Variants in SPAST observed in about 807,000 individuals in gnomAD.
SPAST encodes the protein spastic paraplegia 4 (autosomal dominant; spastin).
In SPAST, 30 loss-of-function variants were observed where a neutral mutation model predicts 76.6. The ratio of observed to expected loss-of-function variants is 0.39; its 90% CI spans 0.29 to 0.53. The LOEUF is 0.53. Ranked by LOEUF, SPAST falls within the 20% of genes least tolerant of loss-of-function variation. The pLI, the probability that SPAST is intolerant of heterozygous loss-of-function variation, is 0.68. For synonymous variants in SPAST, 305 were observed against 281.0 expected (o/e 1.09, Z -0.86); for missense variants, 717 against 770.5 (o/e 0.93, Z 0.82).
At position 32,131,815 on chromosome 2, in the gene SPAST, A is replaced by G. The variant is rs531594912; in HGVS notation, c.1245+3336A>G. 2.6e-5 allele frequency among the ~76,000 whole-genome samples: 4 copies of G among 151,064 alleles called. No homozygotes were observed. In the South Asian group the frequency reaches 8.4e-4, roughly 32 times the overall value. ...GTAGCTGGGACTACAGGCACCCGCC[A>G]CGACACTTGGCTAATTTTTGTATTT... On this transcript the variant is annotated intron_variant, in intron 9 of 16. Transcript: ENST00000315285.
In SPAST at chr2:32,152,340, A is replaced by G. The variant is rs1191416160; in HGVS notation, c.1729-2034A>G. Among the ~76,000 whole-genome samples, 6 of 152,124 alleles carry G rather than the reference A, an allele frequency of 3.9e-5. 1 individual carries two copies. The highest frequency in any genetic ancestry group is 4.4e-5 in the Non-Finnish European group (3 of 68,014). On this transcript the variant is annotated intron_variant, in intron 16 of 16. Transcript: ENST00000315285. ...CCCAGCACTTTGGGAGGCTCAGGCC[A>G]TTGGATCCCTTGAGCTCAGGAATTC...
chr2:32,134,523 C>T (rs1679472232), intron 9 of SPAST, among the ~76,000 whole-genome samples: 1 of 151,784 alleles, frequency 6.6e-6, no homozygotes, highest in Admixed American at 6.6e-5. Flanking sequence ...GGGCTGGTCT[C>T]AAACTTCTGG....
At chr2:32,068,601 G>C (rs1002202063) in intron 1 of SPAST, among the ~76,000 whole-genome samples, 1 of 152,146 alleles carries the variant, frequency 6.6e-6, no homozygotes, top group African/African-American at 2.4e-5. Flanking sequence ...TAGGATTACA[G>C]GTGTGAGCCA....
At chr2:32,120,899 T>C (rs1007483886) in intron 7 of SPAST, among the ~76,000 whole-genome samples, 2 of 152,198 alleles carry the variant, frequency 1.3e-5, no homozygotes, top group African/African-American at 4.8e-5. Context: ...ATAATTTGAC[T>C]GGATGTCAAG....
At chr2:32,146,995 A>G (rs981591234) in intron 15 of SPAST, among the ~76,000 whole-genome samples, 6 of 151,840 alleles carry the variant, frequency 4.0e-5, no homozygotes, top group African/African-American at 7.3e-5. Context: ...TTTGGGCAGT[A>G]TGCAAGAAAT....
In SPAST at chr2:32,151,509, G is replaced by C. The variant is rs574539856; in HGVS notation, c.1729-2865G>C. On this transcript the variant is annotated intron_variant, in intron 16 of 16. Transcript: ENST00000315285. Reference sequence around the variant, plus strand: ...GATGAGACGTAAACACAAGTAGTTTGCTCTCTAAAACTGTATACTAGAATT... The same window carrying C: ...GATGAGACGTAAACACAAGTAGTTTCCTCTCTAAAACTGTATACTAGAATT... Among the ~76,000 whole-genome samples the C allele has an allele frequency of 1.9e-3, 294 of 152,206 alleles. 2 individuals are homozygous for C. Among genetic ancestry groups the C allele is most frequent in the South Asian group, 3.1e-3 (15 of 4,826 alleles).
intron 4 of SPAST, among the ~76,000 whole-genome samples, chr2:32,110,244 G>A (rs1355806919): frequency 2.0e-5 from 3 of 147,858 alleles, no homozygotes; most frequent in Non-Finnish European, 4.5e-5. Context: ...TCAGTCTCCC[G>A]AGTACCTGGG....
chr2:32,151,734 AC>A (rs1680091868), intron 16 of SPAST, among the ~76,000 whole-genome samples: 1 of 152,024 alleles, frequency 6.6e-6, no homozygotes, highest in Admixed American at 6.6e-5. Context: ...ACGTGGCGAA[AC>A]CCCGTCTCCA....
Position 32,087,481 on chromosome 2 carries a change from T to C in SPAST, c.416-11T>C, listed in dbSNP as rs767490119. 14 of 1,561,286 alleles carry C rather than the reference T, an allele frequency of 9.0e-6. No individual in the cohort carries two copies. The highest frequency in any genetic ancestry group is 1.2e-5 in the Non-Finnish European group (14 of 1,134,042). ...TCATACGATCTATACAAATAATTTT[T>C]TATTTTAAAGCAGGACAGAAGGAGC... On this transcript the variant is annotated splice_polypyrimidine_tract_variant and intron_variant, in intron 1 of 16. Transcript: ENST00000315285.
chr2:32,075,956 A>G (rs192390250), intron 1 of SPAST, among the ~76,000 whole-genome samples: 10 of 128,668 alleles, frequency 7.8e-5, no homozygotes, highest in East Asian at 2.5e-4. Flanking sequence ...GCTGAAGTGC[A>G]GTGGTGTGAT....
At chr2:32,147,344 GGTTTT>G in intron 16 of SPAST, 86 bp downstream of exon 16, 21 of 266,340 alleles carry the variant, frequency 7.9e-5, no homozygotes, top group South Asian at 2.4e-4. Flanking sequence ...GTGTGTGTGT[GGTTTT>G]TTTTTTTTTT....
chr2:32,099,974 G>A (rs114321243), intron 4 of SPAST, among the ~76,000 whole-genome samples: 199 of 152,282 alleles, frequency 1.3e-3, no homozygotes, highest in Middle Eastern at 3.4e-3. Flanking sequence ...CAGTAAACAT[G>A]GGGTGTAGAT....
Position 32,112,601 on chromosome 2 carries a change from C to T in SPAST, c.683-2037C>T, listed in dbSNP as rs1337767313. ...GACCTTGTGATCCGCCCACCTTGGCCTCCGAAAGTTCTGGGATTACAGGCG... is the reference window on the plus strand; with the variant it reads ...GACCTTGTGATCCGCCCACCTTGGCTTCCGAAAGTTCTGGGATTACAGGCG... On this transcript the variant is annotated intron_variant, in intron 4 of 16. Transcript: ENST00000315285. 2.0e-5 allele frequency among the ~76,000 whole-genome samples: 3 copies of T among 152,020 alleles called. No homozygotes were observed. The South Asian group carries it at 6.2e-4, about 32-fold the overall frequency.
At chr2:32,069,150 T>C (rs890569961) in intron 1 of SPAST, among the ~76,000 whole-genome samples, 5 of 151,460 alleles carry the variant, frequency 3.3e-5, no homozygotes, top group Non-Finnish European at 4.4e-5. Context: ...GAGGTGGAGA[T>C]TGCGGTGGGC....
intron 16 of SPAST, 82 bp downstream of exon 16, chr2:32,147,340 GT>G: frequency 2.3e-6 from 1 of 443,096 alleles, no homozygotes; most frequent in Non-Finnish European, 3.7e-6. Context: ...ATGTGTGTGT[GT>G]GTGGTTTTTT....
intron 8 of SPAST, chr2:32,127,731 T>C (rs1558331384): frequency 6.6e-6 from 1 of 152,080 alleles, no homozygotes; most frequent in Non-Finnish European, 1.5e-5. Context: ...TGCATAGTCC[T>C]CCTGGATGGA....
intron 3 of SPAST, among the ~76,000 whole-genome samples, chr2:32,090,942 C>T (rs1386706295): frequency 6.6e-6 from 1 of 152,152 alleles, no homozygotes; most frequent in Non-Finnish European, 1.5e-5. Flanking sequence ...CAGCAGTTAA[C>T]TATGACTGAT....
intron 1 of SPAST, among the ~76,000 whole-genome samples, chr2:32,083,146 A>G (rs1296678551): frequency 3.3e-5 from 5 of 151,896 alleles, no homozygotes; most frequent in African/African-American, 9.7e-5. Flanking sequence ...TAATTTTTGT[A>G]TTTTTAGTAG....
chr2:32,131,756 G>A (rs1243884098), intron 9 of SPAST, among the ~76,000 whole-genome samples: 3 of 135,504 alleles, frequency 2.2e-5, no homozygotes, highest in East Asian at 2.3e-4. Context: ...TCTGCCTCCC[G>A]GGTTCAAGTG....
Sources: allele counts gnomAD v4.1 joint callset (sites outside exome capture counted in the v4.1 genomes callset), GRCh38; gene constraint gnomAD v4.1.1; transcripts MANE v1.5; gene names NCBI Gene and HGNC (gene_info 2026-07-23, HGNC 2026-07-21).